The following PEBP4 variants were observed in gnomAD, a reference collection of about 807,000 sequenced individuals.
PEBP4 encodes phosphatidylethanolamine-binding protein 4.
PEBP4 carries 22 observed loss-of-function variants against 23.9 expected under a neutral mutation model. That is an observed-to-expected ratio of 0.92 (90% CI 0.66 to 1.31). The LOEUF is 1.31. Among genes scored for constraint, PEBP4 ranks in the 40% most tolerant of loss-of-function variants. The pLI is 0.00. For synonymous variants in PEBP4, 112 were observed against 99.3 expected, an observed-to-expected ratio of 1.13 and a Z score of -0.76; for missense variants, 324 against 281.7, an observed-to-expected ratio of 1.15 and a Z score of -1.07.
intron 4 of PEBP4, among the ~76,000 whole-genome samples, chr8:22,758,562 G>A (rs1805438475): frequency 6.6e-6 from 1 of 152,204 alleles, no homozygotes; most frequent in Admixed American, 6.5e-5. Context: ...GGACAGAAAA[G>A]CCCGCAGCCC....
chr8:22,851,265 C>G (rs904708353), intron 3 of PEBP4, among the ~76,000 whole-genome samples: 2 of 152,134 alleles, frequency 1.3e-5, no homozygotes, highest in African/African-American at 4.8e-5. Flanking sequence ...ACCCGGAGCC[C>G]AAAGCCGGAA....
chr8:22,807,363 C>G (rs1806518904), intron 4 of PEBP4, among the ~76,000 whole-genome samples: 1 of 152,130 alleles, frequency 6.6e-6, no homozygotes, highest in Non-Finnish European at 1.5e-5. Flanking sequence ...GAGTAACACA[C>G]TGGGGAGAGG....
chr8:22,812,000 T>C (rs1806639976), intron 4 of PEBP4, among the ~76,000 whole-genome samples: 1 of 152,236 alleles, frequency 6.6e-6, no homozygotes, highest in South Asian at 2.1e-4. Context: ...GAAGACTTAA[T>C]CTCATTGAAC....
Position 22,805,867 on chromosome 8 carries a change from C to G in PEBP4, c.357+11770G>C, listed in dbSNP as rs1806484334. The stretch of plus-strand genomic sequence containing the variant: ...GAATGAAACCTATTGCCTAAATGGG[C>G]TAAGCACATGCTGAATGAATGAATG... On this transcript the variant is annotated intron_variant, in intron 4 of 6. Coordinates refer to ENST00000256404, the MANE Select transcript of PEBP4 (RefSeq NM_144962.3). 3.4e-5 allele frequency among the ~76,000 whole-genome samples: 5 copies of G among 148,260 alleles called. No individual in the cohort carries two copies. The South Asian group carries it at 1.1e-3, about 33-fold the overall frequency.
chr8:22,925,494 C>T (rs1292552718), intron 2 of PEBP4, among the ~76,000 whole-genome samples: 3 of 152,200 alleles, frequency 2.0e-5, no homozygotes, highest in East Asian at 3.9e-4. Context: ...GGGGTGCTAA[C>T]ACAGACTTTG....
At chr8:22,771,258 G>A (rs983265276) in intron 4 of PEBP4, among the ~76,000 whole-genome samples, 1 of 152,250 alleles carries the variant, frequency 6.6e-6, no homozygotes, top group African/African-American at 2.4e-5. Flanking sequence ...GGAGGCCGAG[G>A]TGGGTGGATC....
intron 4 of PEBP4, chr8:22,757,276 C>T (rs1425183072): frequency 6.6e-6 from 1 of 152,272 alleles, no homozygotes; most frequent in East Asian, 1.9e-4. Flanking sequence ...TTTGTACTCA[C>T]ACCACGGTGA....
chr8:22,799,808 G>T (rs1191708834), intron 4 of PEBP4, among the ~76,000 whole-genome samples: 2 of 152,112 alleles, frequency 1.3e-5, no homozygotes, highest in African/African-American at 2.4e-5. Flanking sequence ...GCGGTGTAAG[G>T]ATCTAGAAGT....
intron 4 of PEBP4, among the ~76,000 whole-genome samples, chr8:22,771,945 C>G (rs1415162769): frequency 6.6e-6 from 1 of 152,252 alleles, no homozygotes; most frequent in Admixed American, 6.5e-5. Flanking sequence ...CCCTGCTCTG[C>G]AGGAGCAGTC....
At position 22,726,589 on chromosome 8, in the gene PEBP4, G is replaced by A. The variant is rs546353679; in HGVS notation, c.403+586C>T. Among the ~76,000 whole-genome samples, 4 of 152,320 alleles carry A rather than the reference G, an allele frequency of 2.6e-5. No homozygotes were observed. In the East Asian group the frequency reaches 5.8e-4, roughly 22 times the overall value. ...TTCACACATGCTAGACCACTTCTCC[G>A]GGCCAGGCCCTGGGCTGTAGGCCTT... On this transcript the variant is annotated intron_variant, in intron 5 of 6. Transcript: ENST00000256404.
intron 4 of PEBP4, among the ~76,000 whole-genome samples, chr8:22,804,835 A>G (rs747713792): frequency 4.6e-5 from 7 of 151,890 alleles, no homozygotes; most frequent in Non-Finnish European, 1.0e-4. Flanking sequence ...CATCTCTTCC[A>G]TGCTGCCCCG....
intron 4 of PEBP4, among the ~76,000 whole-genome samples, chr8:22,739,978 G>A (rs1430140500): frequency 6.6e-6 from 1 of 152,206 alleles, no homozygotes; most frequent in Non-Finnish European, 1.5e-5. Context: ...AGCAGCAGGT[G>A]GGAGTCAGAT....
intron 3 of PEBP4, among the ~76,000 whole-genome samples, chr8:22,859,301 C>T (rs981002686): frequency 5.9e-5 from 9 of 152,130 alleles, no homozygotes; most frequent in Non-Finnish European, 1.0e-4. Flanking sequence ...AGTAATTCGC[C>T]GAGTGTTGAG....
intron 4 of PEBP4, among the ~76,000 whole-genome samples, chr8:22,752,456 A>G (rs1241560117): frequency 1.3e-5 from 2 of 152,246 alleles, no homozygotes; most frequent in African/African-American, 4.8e-5. Context: ...GAGCAATCCA[A>G]AAGGCCCAAA....
intron 3 of PEBP4, among the ~76,000 whole-genome samples, chr8:22,833,488 C>T (rs543664270): frequency 1.5e-4 from 23 of 152,166 alleles, no homozygotes; most frequent in Non-Finnish European, 2.8e-4. Flanking sequence ...CATGCCACCA[C>T]GCCCAGCTGA....
At chr8:22,899,324 C>T (rs1281095019) in intron 3 of PEBP4, among the ~76,000 whole-genome samples, 1 of 152,248 alleles carries the variant, frequency 6.6e-6, no homozygotes, top group African/African-American at 2.4e-5. Context: ...CAAGTGCCAG[C>T]TCCTGTCTGT....
chr8:22,779,133 G>A (rs1334859081), intron 4 of PEBP4, among the ~76,000 whole-genome samples: 2 of 152,066 alleles, frequency 1.3e-5, no homozygotes, highest in Admixed American at 6.5e-5. Context: ...CCAGCTCTGC[G>A]CGTGTGATGG....
chr8:22,932,956 G>C (rs1271876615), intron 1 of PEBP4, among the ~76,000 whole-genome samples: 1 of 147,562 alleles, frequency 6.8e-6, no homozygotes, highest in Non-Finnish European at 1.5e-5. Context: ...AGTGAGCCAA[G>C]ATCGTACTAC....
At chr8:22,830,543 A>C (rs903462290) in intron 3 of PEBP4, among the ~76,000 whole-genome samples, 1 of 152,004 alleles carries the variant, frequency 6.6e-6, no homozygotes, top group Non-Finnish European at 1.5e-5. Context: ...TGAGATCCAG[A>C]CCCTATGTCC....
Sources: gnomAD v4.1 joint callset for allele counts (sites outside exome capture counted in the v4.1 genomes callset) on GRCh38, gnomAD v4.1.1 for gene constraint, MANE v1.5 for transcripts, NCBI Gene and HGNC (gene_info 2026-07-23, HGNC 2026-07-21) for gene names.